EPHB1: variants seen among roughly 807,000 people sequenced by gnomAD.
EPHB1 encodes the protein EPH receptor B1, also known as ephrin type-B receptor 1.
A neutral mutation model predicts 94.4 loss-of-function variants in EPHB1; 30 were observed. The ratio of observed to expected loss-of-function variants is 0.32; its 90% CI spans 0.24 to 0.43. The LOEUF (loss-of-function observed/expected upper bound fraction) is 0.43, where lower values mean the gene tolerates loss of function less well. Among genes scored for constraint, EPHB1 ranks in the 20% least tolerant of loss-of-function variants. EPHB1 has a pLI of 1.00. For missense variants in EPHB1, 1,055 were observed against 1,308.3 expected (o/e 0.81, Z 2.99); for synonymous variants, 522 against 489.1 (o/e 1.07, Z -0.89).
At chr3:134,964,019 A>T (rs1933631312) in intron 3 of EPHB1, among the ~76,000 whole-genome samples, 1 of 151,942 alleles carries the variant, frequency 6.6e-6, no homozygotes. Flanking sequence ...TCTACTCCCT[A>T]AGCTCCTCAG....
rs535038486 is a variant in EPHB1 at position 134,913,688 on chromosome 3, G to A, written c.59-12128G>A. ...CATCAAGGGGTCGAGGGCAGGGTGCGAGGAGGGCAATGCTGGGAGCACTGG... is the reference window on the plus strand; with the variant it reads ...CATCAAGGGGTCGAGGGCAGGGTGCAAGGAGGGCAATGCTGGGAGCACTGG... On this transcript the variant is annotated intron_variant, in intron 1 of 15. Coordinates refer to ENST00000398015, the MANE Select transcript of EPHB1 (RefSeq NM_004441.5). Among the ~76,000 whole-genome samples the A allele has an allele frequency of 1.8e-4, 27 of 152,320 alleles. 1 individual carries two copies. In the South Asian group the frequency reaches 5.4e-3, roughly 30 times the overall value.
At chr3:135,010,558 G>GTTTTTTTTTTTTTTTT (rs58579496) in intron 3 of EPHB1, among the ~76,000 whole-genome samples, 6 of 110,396 alleles carry the variant, frequency 5.4e-5, no homozygotes, top group East Asian at 2.7e-4. Flanking sequence ...ATTTTTTTCT[G>GTTTTTTTTTTTTTTTT]TTTTTTTTTT....
chr3:135,197,401 G>C (rs1376732586), intron 11 of EPHB1, among the ~76,000 whole-genome samples: 1 of 152,220 alleles, frequency 6.6e-6, no homozygotes, highest in Non-Finnish European at 1.5e-5. Context: ...GAAGTCCTGA[G>C]ACCAAGGTTC....
intron 1 of EPHB1, among the ~76,000 whole-genome samples, chr3:134,820,883 ATATT>A (rs948288349): frequency 6.6e-6 from 1 of 152,158 alleles, no homozygotes; most frequent in Non-Finnish European, 1.5e-5. Flanking sequence ...AACCAATAGG[ATATT>A]TATTTATTTA....
intron 5 of EPHB1, among the ~76,000 whole-genome samples, chr3:135,150,309 A>C (rs1176872429): frequency 6.6e-6 from 1 of 152,250 alleles, no homozygotes; most frequent in Non-Finnish European, 1.5e-5. Context: ...CACAGCGTGC[A>C]GTGGAAGGAA....
chr3:134,966,792 C>A (rs1381074405), intron 3 of EPHB1, among the ~76,000 whole-genome samples: 1 of 152,246 alleles, frequency 6.6e-6, no homozygotes, highest in East Asian at 1.9e-4. Flanking sequence ...GCATTCCTGC[C>A]ATTCTGTTTG....
chr3:135,258,659 C>T (rs529016938), intron 15 of EPHB1, among the ~76,000 whole-genome samples: 2 of 152,152 alleles, frequency 1.3e-5, no homozygotes, highest in East Asian at 1.9e-4. Flanking sequence ...TAACTGAAGC[C>T]CCGTATAGTG....
chr3:135,101,114 G>T (rs943967790), intron 3 of EPHB1, among the ~76,000 whole-genome samples: 1 of 152,184 alleles, frequency 6.6e-6, no homozygotes, highest in Non-Finnish European at 1.5e-5. Flanking sequence ...AGCCCTCCAA[G>T]TTACCTTGTC....
chr3:134,804,646 T>C (rs2036002530), intron 1 of EPHB1, among the ~76,000 whole-genome samples: 1 of 152,214 alleles, frequency 6.6e-6, no homozygotes, highest in Non-Finnish European at 1.5e-5. Context: ...TGCTGCTTTT[T>C]GTCTTTGGGC....
intron 3 of EPHB1, among the ~76,000 whole-genome samples, chr3:135,049,602 T>A (rs1479771586): frequency 6.6e-6 from 1 of 152,254 alleles, no homozygotes; most frequent in Non-Finnish European, 1.5e-5. Flanking sequence ...GCCTAGAAAC[T>A]GGCATACCAT....
At chr3:134,858,876 T>C (rs1291349866) in intron 1 of EPHB1, among the ~76,000 whole-genome samples, 1 of 152,154 alleles carries the variant, frequency 6.6e-6, no homozygotes, top group Non-Finnish European at 1.5e-5. Context: ...CAGGGGCACT[T>C]GCTGAAGATA....
At chr3:135,098,996 G>C (rs1273439439) in intron 3 of EPHB1, among the ~76,000 whole-genome samples, 1 of 108,652 alleles carries the variant, frequency 9.2e-6, no homozygotes, top group Non-Finnish European at 1.7e-5. Flanking sequence ...CTGGGCAACA[G>C]AGTGAGACCC....
At position 135,248,309 on chromosome 3, in the gene EPHB1, A is replaced by G. The variant is rs976503565; in HGVS notation, c.2497-7A>G. On this transcript the variant is annotated splice_region_variant and splice_polypyrimidine_tract_variant and intron_variant, in intron 13 of 15. Transcript: ENST00000398015. ...CAATCACACCTGTTCCCTGTATGTC[A>G]CTGCAGGTCATCAATGCCATCGAGC... 6.4e-7 allele frequency: 1 copy of G among 1,573,802 alleles called. No individual in the cohort carries two copies. The highest frequency in any genetic ancestry group is 8.7e-7 in the Non-Finnish European group (1 of 1,152,294).
intron 13 of EPHB1, among the ~76,000 whole-genome samples, chr3:135,245,830 G>T (rs920370131): frequency 8.3e-6 from 1 of 120,316 alleles, no homozygotes; most frequent in Non-Finnish European, 1.7e-5. Context: ...AAAAAAAAAA[G>T]CCAATGAGAT....
intron 1 of EPHB1, among the ~76,000 whole-genome samples, chr3:134,886,410 G>A (rs1430754650): frequency 6.6e-6 from 1 of 152,150 alleles, no homozygotes; most frequent in East Asian, 1.9e-4. Flanking sequence ...GAGACACAGA[G>A]AGGTTAAGTC....
chr3:135,053,354 A>G lies in EPHB1; in HGVS notation c.806-53094A>G, dbSNP rs189019683. On this transcript the variant is annotated intron_variant, in intron 3 of 15. Transcript: ENST00000398015. ...ATTCTTTTTAAAAAGGAAGGAGAAG[A>G]AAACAGTTTGGCAGTTACTCAATAA... 3.3e-5 allele frequency among the ~76,000 whole-genome samples: 5 copies of G among 152,202 alleles called. No homozygotes were observed. In the East Asian group the frequency reaches 9.7e-4, roughly 29 times the overall value.
At chr3:135,033,608 C>T (rs1301003358) in intron 3 of EPHB1, among the ~76,000 whole-genome samples, 1 of 152,164 alleles carries the variant, frequency 6.6e-6, no homozygotes, top group Non-Finnish European at 1.5e-5. Flanking sequence ...CTGGGGATTC[C>T]ACAGAGGTAA....
At chr3:135,080,655 G>T (rs1282367717) in intron 3 of EPHB1, among the ~76,000 whole-genome samples, 1 of 152,098 alleles carries the variant, frequency 6.6e-6, no homozygotes, top group Non-Finnish European at 1.5e-5. Context: ...TTTGAGTGCT[G>T]TTGAGAATGG....
intron 3 of EPHB1, chr3:134,978,116 G>A: frequency 2.5e-6 from 1 of 405,400 alleles, no homozygotes; most frequent in Non-Finnish European, 4.9e-6. Flanking sequence ...GAAGATCCAA[G>A]TTTTCCCTTT....
Sources: allele counts gnomAD v4.1 joint callset (sites outside exome capture counted in the v4.1 genomes callset), GRCh38; gene constraint gnomAD v4.1.1; transcripts MANE v1.5; gene names NCBI Gene and HGNC (gene_info 2026-07-23, HGNC 2026-07-21).